MSH3: variants seen among roughly 807,000 people sequenced by gnomAD.
The protein encoded by MSH3 is mutS homolog 3.
In MSH3, 106 loss-of-function variants were observed where a neutral mutation model predicts 123.3. That is an observed-to-expected ratio of 0.86 (90% CI 0.73 to 1.01). The LOEUF is 1.01. Ranked by LOEUF, MSH3 falls within the 50% of genes least tolerant of loss-of-function variation. MSH3 has a pLI of 0.00. For missense variants in MSH3, 1,459 were observed against 1,347.6 expected (o/e 1.08, Z -1.29); for synonymous variants, 515 against 481.4 (o/e 1.07, Z -0.91).
At chr5:80,690,721 A>G (rs1163581620) in intron 8 of MSH3, among the ~76,000 whole-genome samples, 2 of 152,192 alleles carry the variant, frequency 1.3e-5, no homozygotes, top group Non-Finnish European at 2.9e-5. Flanking sequence ...GAAATGCAGA[A>G]ACTGAAGCAC....
intron 22 of MSH3, among the ~76,000 whole-genome samples, 164 bp from the exon 23 acceptor site, chr5:80,872,952 T>C (rs1665801810): frequency 6.6e-6 from 1 of 152,226 alleles, no homozygotes; most frequent in Admixed American, 6.5e-5. Context: ...TATTTACCCT[T>C]TTCTAGACAT....
At chr5:80,870,893 C>T (rs560584033) in intron 22 of MSH3, among the ~76,000 whole-genome samples, 40 of 152,312 alleles carry the variant, frequency 2.6e-4, no homozygotes, top group Admixed American at 5.2e-4. Context: ...CTTTGTAACT[C>T]TTGTCCACCT....
rs760714116 is a variant in MSH3 at position 80,670,106 on chromosome 5, C to G, written c.589C>G (p.Leu197Val). The G allele has an allele frequency of 6.2e-7, 1 of 1,614,054 alleles. No homozygotes were observed. The highest frequency in any genetic ancestry group is 1.1e-5 in the South Asian group (1 of 91,074). ...KRQINQKDTTLFDLSQFGSSN... is the reference protein window; with the variant it reads ...KRQINQKDTTVFDLSQFGSSN... ...ATCTTTTGGTTGCCAGGACACAACA[C>G]TTTTTGATCTCAGTCAGTTTGGATC... Residue 197 changes from leucine to valine, a missense_variant, in exon 4 of 24, where the codon CTT becomes GTT. Coordinates refer to ENST00000265081, the MANE Select transcript of MSH3 (RefSeq NM_002439.5).
intron 8 of MSH3, among the ~76,000 whole-genome samples, chr5:80,693,926 C>G (rs1199265706): frequency 6.6e-6 from 1 of 152,136 alleles, no homozygotes; most frequent in African/African-American, 2.4e-5. Context: ...TCCCAAAGTG[C>G]TGGGATTGCA....
chr5:80,729,430 A>ATG (rs71594671), intron 10 of MSH3, among the ~76,000 whole-genome samples: 1,420 of 78,194 alleles, frequency 0.018, 29 homozygotes, highest in African/African-American at 0.036. Context: ...AAAAAAAAAA[A>ATG]TGTGTGTGTG....
At chr5:80,819,951 A>G (rs1273527045) in intron 20 of MSH3, among the ~76,000 whole-genome samples, 1 of 152,230 alleles carries the variant, frequency 6.6e-6, no homozygotes, top group Non-Finnish European at 1.5e-5. Context: ...AAGGAGCTCA[A>G]GTGCAGTAAG....
chr5:80,687,084 A>T (rs965233799), intron 8 of MSH3, among the ~76,000 whole-genome samples: 2 of 152,200 alleles, frequency 1.3e-5, no homozygotes, highest in Admixed American at 6.5e-5. Context: ...GACTTAGAAC[A>T]AATATTAGAG....
At chr5:80,844,054 C>A (rs1426287239) in intron 20 of MSH3, among the ~76,000 whole-genome samples, 3 of 152,016 alleles carry the variant, frequency 2.0e-5, no homozygotes, top group Non-Finnish European at 4.4e-5. Flanking sequence ...AAATTTCCCT[C>A]TACACACTGC....
At chr5:80,776,887 C>A (rs1394398832) in intron 16 of MSH3, among the ~76,000 whole-genome samples, 2 of 145,040 alleles carry the variant, frequency 1.4e-5, no homozygotes, top group Non-Finnish European at 1.5e-5. Context: ...ATATATAATA[C>A]ATATATACAA....
chr5:80,856,640 A>T lies in MSH3; in HGVS notation c.3000+2324A>T, dbSNP rs1745925793. Among the ~76,000 whole-genome samples, 10 of 152,048 alleles carry T rather than the reference A, an allele frequency of 6.6e-5. No homozygotes were observed. In the South Asian group the frequency reaches 2.1e-3, roughly 32 times the overall value. On this transcript the variant is annotated intron_variant, in intron 21 of 23. Coordinates refer to ENST00000265081, the MANE Select transcript of MSH3 (RefSeq NM_002439.5). ...TGGGTGCAACACACCAACATGGCAC[A>T]TGTATACAAATGTAACTGACCTGCA... is the stretch of plus-strand genomic sequence containing the variant.
At chr5:80,701,155 G>A (rs1750601478) in intron 8 of MSH3, among the ~76,000 whole-genome samples, 1 of 152,106 alleles carries the variant, frequency 6.6e-6, no homozygotes, top group East Asian at 1.9e-4. Flanking sequence ...TATTAAAGTA[G>A]TCTTTATTAT....
chr5:80,692,872 G>C (rs868624006), intron 8 of MSH3, among the ~76,000 whole-genome samples: 2 of 99,498 alleles, frequency 2.0e-5, no homozygotes, highest in African/African-American at 7.6e-5. Context: ...TATATGTTTA[G>C]ATAAATATAC....
At position 80,728,888 on chromosome 5, in the gene MSH3, G is replaced by A. The variant is rs2112857862; in HGVS notation, c.1491G>A (p.Lys497=). The stretch of plus-strand genomic sequence containing the variant: ...TTTCTGGCATTGTTAACTTAGAGAA[G>A]CCTGTGATTTGCTCTTTGGCTGCCA... ...QIISGIVNLE[K]PVICSLAAII... is the part of the protein sequence containing the mutation. The change falls in exon 10 of 24, where the codon AAG becomes AAA. Residue 497 remains lysine, a synonymous_variant. Transcript: ENST00000265081. The A allele has an allele frequency of 6.2e-7, 1 of 1,611,202 alleles. No individual in the cohort carries two copies. The highest frequency in any genetic ancestry group is 1.3e-5 in the African/African-American group (1 of 74,910).
intron 7 of MSH3, among the ~76,000 whole-genome samples, chr5:80,678,173 G>A (rs768509111): frequency 6.6e-6 from 1 of 152,156 alleles, no homozygotes. Context: ...ATAAGCATCC[G>A]TAGTGGCTAA....
chr5:80,673,381 T>G (rs967381917), intron 6 of MSH3, among the ~76,000 whole-genome samples: 6 of 152,112 alleles, frequency 3.9e-5, no homozygotes, highest in African/African-American at 1.2e-4. Flanking sequence ...TACAAAAAAT[T>G]AGCTGGGCAT....
chr5:80,876,155 T>C lies in MSH3; in HGVS notation c.*293T>C. On this transcript the variant is annotated 3_prime_UTR_variant, in exon 24 of 24. Transcript: ENST00000265081. ...GTGGCAGAATATAATTCCCAAGCTTTTGGAGGGTGATATAAAAATTTACTT... is the reference window on the plus strand; with the variant it reads ...GTGGCAGAATATAATTCCCAAGCTTCTGGAGGGTGATATAAAAATTTACTT... 2 of 331,728 alleles carry C rather than the reference T, an allele frequency of 6.0e-6. No homozygotes were observed. Among genetic ancestry groups the C allele is most frequent in the Non-Finnish European group, 1.1e-5 (2 of 183,114 alleles). 20.5% of individuals were successfully genotyped at this position (331,728 alleles called of 1,614,324 possible).
At chr5:80,669,942 A>G (rs570392579) in intron 3 of MSH3, among the ~76,000 whole-genome samples, 155 bp from the exon 4 acceptor site, 62 of 152,290 alleles carry the variant, frequency 4.1e-4, no homozygotes, top group Non-Finnish European at 7.8e-4. Context: ...TTTGTAACCT[A>G]TGGATAGTTT....
intron 7 of MSH3, among the ~76,000 whole-genome samples, chr5:80,676,708 T>G (rs1360719934): frequency 6.6e-6 from 1 of 152,226 alleles, no homozygotes; most frequent in East Asian, 1.9e-4. Context: ...TTTTTATCCT[T>G]GAGAAGCACG....
intron 12 of MSH3, chr5:80,746,584 G>C (rs1224547126): frequency 2.6e-6 from 1 of 386,626 alleles, no homozygotes; most frequent in Non-Finnish European, 5.1e-6. Flanking sequence ...GATCTCCTCT[G>C]TTCGTTTTCT....
Sources: gnomAD v4.1 joint callset for allele counts (sites outside exome capture counted in the v4.1 genomes callset) on GRCh38, gnomAD v4.1.1 for gene constraint, MANE v1.5 for transcripts, NCBI Gene and HGNC (gene_info 2026-07-23, HGNC 2026-07-21) for gene names.